Variants in MACF1 observed in about 807,000 individuals in gnomAD.
MACF1 encodes microtubule-actin cross-linking factor 1.
In MACF1, 193 loss-of-function variants were observed where a neutral mutation model predicts 854.8. The observed-to-expected ratio is 0.23, with a 90% CI of 0.20 to 0.25. The LOEUF (loss-of-function observed/expected upper bound fraction) is 0.25. MACF1 is among the 10% of genes least tolerant of loss of function. The probability of loss-of-function intolerance (pLI) is 1.00; values close to 1 mark genes in which losing one functional copy is unlikely to be tolerated. For synonymous variants in MACF1, 3,185 were observed against 3,226.7 expected, an observed-to-expected ratio of 0.99 and a Z score of 0.44; for missense variants, 7,722 against 8,929.1, an observed-to-expected ratio of 0.86 and a Z score of 5.45.
rs1166513222 is a variant in MACF1 at position 39,084,790 on chromosome 1, A to T, written c.220+352A>T. 6.6e-6 allele frequency among the ~76,000 whole-genome samples: 1 copy of T among 152,088 alleles called. No homozygotes were observed. The highest frequency in any genetic ancestry group is 2.4e-5 in the African/African-American group (1 of 41,402). On this transcript the variant is annotated intron_variant, in intron 2 of 93. Coordinates refer to the MACF1 transcript ENST00000361689. The surrounding 1 kb of genome is among the most constrained non-coding windows in gnomAD (Gnocchi z 5.2). ...ATCTTATATTAAAAAGATTTTCCAT[A>T]TTGCACTTTAGACTTTATGGTTACC...
intron 26 of MACF1, among the ~76,000 whole-genome samples, chr1:39,314,276 G>T (rs1445999595): frequency 6.6e-6 from 1 of 152,092 alleles, no homozygotes; most frequent in Non-Finnish European, 1.5e-5. Flanking sequence ...AGGCATGGTG[G>T]CGTGTGCCTG....
In MACF1 at chr1:39,442,207, G is replaced by A; in HGVS notation, c.18835G>A (p.Glu6279Lys). Reference protein sequence around the residue: ...IEMEKLNHQGELMLKKATDET... With the variant: ...IEMEKLNHQGKLMLKKATDET... ...GATGGAGAAGCTTAATCACCAGGGT[G>A]AACTGATGTTAAAGAAAGCTACTGA... The change falls in exon 76 of 101, where the codon GAA becomes AAA. Residue 6279 changes from glutamate (E) to lysine (K), a missense_variant. By Grantham distance (56) the Glu-to-Lys change is moderately conservative. This residue lies in a region of MACF1 where 2,807 missense variants were observed against 3,235.8 expected (regional missense o/e 0.87). Transcript: ENST00000564288. 1.2e-6 allele frequency: 2 copies of A among 1,607,772 alleles called. No homozygotes were observed. Among genetic ancestry groups the A allele is most frequent in the Non-Finnish European group, 1.7e-6 (2 of 1,178,106 alleles).
At chr1:39,415,338 T>A (rs751621028) in intron 58 of MACF1, among the ~76,000 whole-genome samples, 8 of 151,566 alleles carry the variant, frequency 5.3e-5, no homozygotes, top group Admixed American at 1.3e-4. Flanking sequence ...CTTTTTATTT[T>A]TTTTTTTTAG....
chr1:39,429,765 G>A lies in MACF1; in HGVS notation c.16889-62G>A, dbSNP rs1039878684. The A allele has an allele frequency of 2.1e-5, 32 of 1,491,512 alleles. No individual in the cohort carries two copies. The Admixed American group carries it at 5.5e-4, about 26-fold the overall frequency. 92.4% of individuals were successfully genotyped at this position (1,491,512 alleles called of 1,614,324 possible). A position where few individuals can be genotyped will look rare whatever the true frequency, so the allele number is the denominator to read the frequency against. ...TTAAAGCTCTGATTTGAAGAAAGGG[G>A]ATCAGAGACTCCTCATTCCTAGGTC... On this transcript the variant is annotated intron_variant, in intron 64 of 100. Transcript: ENST00000564288.
intron 97 of MACF1, among the ~76,000 whole-genome samples, chr1:39,477,999 A>ATTTTTTTTTTT (rs36028217): frequency 9.8e-6 from 1 of 101,858 alleles, no homozygotes; most frequent in African/African-American, 3.8e-5. Context: ...TCAGAAGTGA[A>ATTTTTTTTTTT]TTTTTTTTTT....
chr1:39,459,284 A>C (rs1644502624), intron 91 of MACF1, 35 bp downstream of exon 91: 2 of 1,581,932 alleles, frequency 1.3e-6, no homozygotes, highest in Non-Finnish European at 1.7e-6. Flanking sequence ...CCTGAAACAA[A>C]GTGCTTTTTT....
chr1:39,306,183 G>A lies in MACF1; in HGVS notation c.2789+3105G>A, dbSNP rs1646171257. Among the ~76,000 whole-genome samples, 10 of 150,150 alleles carry A rather than the reference G, an allele frequency of 6.7e-5. No individual in the cohort carries two copies. The South Asian group carries it at 2.1e-3, about 31-fold the overall frequency. On this transcript the variant is annotated intron_variant, in intron 23 of 100. Transcript: ENST00000564288. ...CTTTTTTTTTTTTTTGGTTTGAGAC[G>A]GAGTCTCCCTCTGTCGCCCAGGCTG...
rs1055356439 is a variant in MACF1, at chr1:39,335,842, C to G, written c.9254C>G (p.Pro3085Arg). The G allele has an allele frequency of 3.7e-6, 6 of 1,613,938 alleles. No individual in the cohort carries two copies. The African/African-American group carries it at 5.3e-5, about 14-fold the overall frequency. ...NNLSLCLTLK[P>R]EENLSREIAC... ...TTAAGTCTCTGCTTGACTTTAAAAC[C>G]AGAAGAAAACTTATCTCGAGAAATT... Residue 3085 changes from proline to arginine, a missense_variant, in exon 37 of 101, where the codon CCA becomes CGA. By Grantham distance (103) the Pro-to-Arg change is moderately radical. This residue lies in a region of MACF1 where 854 missense variants were observed against 852.6 expected (regional missense o/e 1.00). Transcript: ENST00000564288.
chr1:39,279,663 A>G (rs1261340048), intron 6 of MACF1, among the ~76,000 whole-genome samples: 3 of 152,194 alleles, frequency 2.0e-5, no homozygotes, highest in Admixed American at 2.0e-4. Flanking sequence ...AAGGGAATAC[A>G]TGTACCCTCG....
chr1:39,361,219 G>T, intron 48 of MACF1, 141 bp from the exon 49 acceptor site: 1 of 867,714 alleles, frequency 1.2e-6, no homozygotes. Context: ...GGAGAACTAA[G>T]GTGATGAGAT....
intron 1 of MACF1, among the ~76,000 whole-genome samples, chr1:39,221,770 G>A (rs1644655289): frequency 1.3e-5 from 2 of 152,126 alleles, no homozygotes; most frequent in Non-Finnish European, 2.9e-5. Flanking sequence ...CCTAATTCAT[G>A]CTATTTCAAG....
At chr1:39,403,420 G>A (rs1642561086) in intron 58 of MACF1, among the ~76,000 whole-genome samples, 1 of 152,098 alleles carries the variant, frequency 6.6e-6, no homozygotes, top group South Asian at 2.1e-4. Context: ...CTCTATCCCA[G>A]CATTGAATCT....
rs1305755988 is a variant in MACF1, at chr1:39,357,669, G to T, written c.11719G>T (p.Gly3907Cys). Residue 3907 changes from glycine to cysteine, a missense_variant, in exon 45 of 101, where the codon GGC (glycine) becomes TGC (cysteine). By Grantham distance (159) the Gly-to-Cys change is radical (BLOSUM62 -3). Transcript: ENST00000564288. ...EKELENMHKG[G>C]SSPETLPSLL... is the part of the protein sequence containing the mutation. ...AGAGCTGGAGAACATGCATAAGGGA[G>T]GCAGCAGCCCCGAGACCCTTCCCTC... is the stretch of plus-strand genomic sequence containing the variant. The T allele has an allele frequency of 6.2e-7, 1 of 1,614,032 alleles. No homozygotes were observed. Among genetic ancestry groups the T allele is most frequent in the African/African-American group, 1.3e-5 (1 of 74,906 alleles).
intron 2 of MACF1, among the ~76,000 whole-genome samples, chr1:39,102,110 G>A (rs1642097607): frequency 6.6e-6 from 1 of 151,756 alleles, no homozygotes; most frequent in Non-Finnish European, 1.5e-5. Context: ...CCGGGGGGCG[G>A]AGCCTGCAGT....
At chr1:39,198,360 T>C (rs1424597345) in intron 2 of MACF1, among the ~76,000 whole-genome samples, 1 of 150,186 alleles carries the variant, frequency 6.7e-6, no homozygotes, top group South Asian at 2.1e-4. Flanking sequence ...AATACAAAAA[T>C]TAGCTGGGCG....
intron 40 of MACF1, among the ~76,000 whole-genome samples, chr1:39,342,739 C>T (rs1369737471): frequency 2.6e-5 from 4 of 151,938 alleles, no homozygotes; most frequent in African/African-American, 7.3e-5. Context: ...AGAGTGGTCT[C>T]GAACTCCTGA....
intron 94 of MACF1, 35 bp from the exon 95 acceptor site, chr1:39,465,060 C>G: frequency 6.3e-7 from 1 of 1,596,806 alleles, no homozygotes; most frequent in Non-Finnish European, 8.6e-7. Flanking sequence ...TTTTTCCCCT[C>G]CTTTCCTCCA....
At chr1:39,414,634 AAATAT>A in intron 58 of MACF1, 1 of 1,162,244 alleles carries the variant, frequency 8.6e-7, no homozygotes, top group Admixed American at 2.7e-5. Context: ...TTTTTGGGGA[AAATAT>A]ACTTTAATTT....
Position 39,484,670 on chromosome 1 carries a change from G to T in MACF1, c.22351G>T (p.Ala7451Ser), listed in dbSNP as rs761839671. 1.2e-5 allele frequency: 19 copies of T among 1,613,942 alleles called. No individual in the cohort carries two copies. Among genetic ancestry groups the T allele is most frequent in the Non-Finnish European group, 1.5e-5 (18 of 1,179,972 alleles). Reference protein sequence around the residue: ...PTFHSSRTSLAGDTSNSSSPA... With the variant: ...PTFHSSRTSLSGDTSNSSSPA... ...TTTTCATTCTAGTCGGACATCCCTT[G>T]CTGGTGATACCAGCAATAGTTCTTC... The change falls in exon 100 of 101, where the codon GCT becomes TCT. Residue 7451 changes from alanine to serine, a missense_variant. Around this residue, in one of 15 missense-constraint regions of MACF1, gnomAD observed 185 missense variants for 225.7 expected, o/e 0.82. Transcript: ENST00000564288.
Sources: allele counts gnomAD v4.1 joint callset (sites outside exome capture counted in the v4.1 genomes callset), GRCh38; gene constraint gnomAD v4.1.1; regional missense constraint gnomAD v4.1.1; non-coding constraint Gnocchi (gnomAD v3.1); transcripts MANE v1.5; gene names NCBI Gene and HGNC (gene_info 2026-07-23, HGNC 2026-07-21).